LEPR: variants seen among roughly 807,000 people sequenced by gnomAD.
LEPR encodes the protein OB receptor.
A neutral mutation model predicts 114.7 loss-of-function variants in LEPR; 56 were observed. The observed-to-expected ratio is 0.49, with a 90% CI of 0.39 to 0.61. The LOEUF (loss-of-function observed/expected upper bound fraction) is 0.61, where lower values mean the gene tolerates loss of function less well. Among genes scored for constraint, LEPR ranks in the 20% least tolerant of loss-of-function variants. The pLI is 0.00. For synonymous variants in LEPR, 443 were observed against 461.4 expected (o/e 0.96, Z 0.51); for missense variants, 1,202 against 1,352.9 (o/e 0.89, Z 1.75).
intron 2 of LEPR, among the ~76,000 whole-genome samples, chr1:65,506,018 G>A (rs1351659871): frequency 6.6e-6 from 1 of 152,016 alleles, no homozygotes; most frequent in Non-Finnish European, 1.5e-5. Flanking sequence ...TTTTCCCTAA[G>A]GCCTTATTTG....
At chr1:65,556,213 G>T (rs1652805633) in intron 2 of LEPR, among the ~76,000 whole-genome samples, 1 of 152,144 alleles carries the variant, frequency 6.6e-6, no homozygotes, top group South Asian at 2.1e-4. Flanking sequence ...GATTGAATCT[G>T]CTGGCATGTT....
intron 2 of LEPR, among the ~76,000 whole-genome samples, chr1:65,447,445 T>C (rs1382091495): frequency 1.3e-5 from 2 of 152,094 alleles, no homozygotes; most frequent in Non-Finnish European, 2.9e-5. Context: ...GTTTTCCTCA[T>C]ATAGATCTTG....
chr1:65,516,009 T>C (rs1353420063), intron 2 of LEPR, among the ~76,000 whole-genome samples: 1 of 152,244 alleles, frequency 6.6e-6, no homozygotes, highest in African/African-American at 2.4e-5. Flanking sequence ...CTTTTATTGC[T>C]TATTAGCTAT....
At chr1:65,616,348 C>A in intron 15 of LEPR, 124 bp downstream of exon 15, 1 of 976,358 alleles carries the variant, frequency 1.0e-6, no homozygotes, top group Non-Finnish European at 1.5e-6. Context: ...CTCTCTTTCA[C>A]CTTTCATTTC....
chr1:65,432,727 T>C (rs1180225500), intron 2 of LEPR: 1 of 783,390 alleles, frequency 1.3e-6, no homozygotes, highest in African/African-American at 1.9e-5. Flanking sequence ...AAGTGTGATT[T>C]TTTTTTAAAG....
chr1:65,537,553 A>C (rs376779067), intron 2 of LEPR, among the ~76,000 whole-genome samples: 1 of 151,894 alleles, frequency 6.6e-6, no homozygotes, highest in African/African-American at 2.4e-5. Flanking sequence ...GCTCCTCCAC[A>C]TATATTAATT....
chr1:65,570,445 T>C, intron 3 of LEPR, 28 bp from the exon 4 acceptor site: 2 of 1,604,222 alleles, frequency 1.2e-6, no homozygotes, highest in Non-Finnish European at 1.7e-6. Flanking sequence ...ATTACTTTTT[T>C]CTATGTGTCT....
At chr1:65,448,562 T>C (rs1646741118) in intron 2 of LEPR, among the ~76,000 whole-genome samples, 1 of 152,250 alleles carries the variant, frequency 6.6e-6, no homozygotes, top group Non-Finnish European at 1.5e-5. Flanking sequence ...TTCCCTCTGC[T>C]TCTGTCTTCT....
intron 2 of LEPR, among the ~76,000 whole-genome samples, chr1:65,492,069 G>T (rs1240543752): frequency 6.6e-6 from 1 of 151,998 alleles, no homozygotes; most frequent in Non-Finnish European, 1.5e-5. Flanking sequence ...AATTTCTTGT[G>T]CTCCTTTCTG....
intron 2 of LEPR, among the ~76,000 whole-genome samples, chr1:65,544,767 C>A (rs114667687): frequency 1.3e-5 from 2 of 150,728 alleles, no homozygotes; most frequent in Admixed American, 6.6e-5. Flanking sequence ...AATTTTGATA[C>A]GTGGTACAAC....
At chr1:65,605,463 G>GCA (rs1367576146) in intron 11 of LEPR, among the ~76,000 whole-genome samples, 3 of 152,070 alleles carry the variant, frequency 2.0e-5, no homozygotes, top group Non-Finnish European at 2.9e-5. Context: ...AATATTTTCT[G>GCA]CACACTATTA....
intron 5 of LEPR, among the ~76,000 whole-genome samples, chr1:65,580,274 G>C (rs1654891196): frequency 1.3e-5 from 2 of 152,100 alleles, no homozygotes; most frequent in African/African-American, 2.4e-5. Flanking sequence ...GGAAGAGCTG[G>C]TCAATATAAC....
chr1:65,608,607 T>C lies in LEPR; in HGVS notation c.1604-146T>C, dbSNP rs964327521. On this transcript the variant is annotated intron_variant, in intron 11 of 19. Coordinates refer to ENST00000349533, the MANE Select transcript of LEPR (RefSeq NM_002303.6). ...TCTTTTAATATATCACATAAAGTAA[T>C]AGGGAAACAAATGAGATAATGAGTG... 1.0e-5 allele frequency: 10 copies of C among 952,996 alleles called. No individual in the cohort carries two copies. In the Admixed American group the frequency reaches 1.4e-4, roughly 13 times the overall value. The allele number at this position is 952,996 out of a possible 1,614,324, so 59.0% of individuals were successfully genotyped here.
chr1:65,570,733 T>C lies in LEPR; in HGVS notation c.301T>C (p.Leu101=). 1.2e-6 allele frequency: 2 copies of C among 1,604,872 alleles called. No homozygotes were observed. Among genetic ancestry groups the C allele is most frequent in the South Asian group, 1.1e-5 (1 of 89,938 alleles). ...FRSEQDRNCS[L]CADNIEGKTF... is the part of the protein sequence containing the mutation. ...GAGTGAGCAAGATAGAAACTGCTCC[T>C]TATGTGCAGACAACATTGAAGGAAA... Residue 101 remains leucine, a synonymous_variant, in exon 4 of 20, where the codon TTA becomes CTA. Coordinates refer to ENST00000349533, the MANE Select transcript of LEPR (RefSeq NM_002303.6).
chr1:65,504,922 T>A (rs11208655), intron 2 of LEPR, among the ~76,000 whole-genome samples: 101,777 of 151,944 alleles, frequency 0.67, 35,084 homozygotes, highest in Middle Eastern at 0.86. Context: ...AAGTTTATTT[T>A]AAAAAATCTC....
At chr1:65,427,677 T>C (rs535394893) in intron 2 of LEPR, 15 of 178,768 alleles carry the variant, frequency 8.4e-5, no homozygotes, top group African/African-American at 3.3e-4. Context: ...TCTAGGAGTT[T>C]TAATTCTCTG....
intron 16 of LEPR, among the ~76,000 whole-genome samples, chr1:65,618,498 A>T (rs4655739): frequency 0.21 from 31,717 of 147,968 alleles, 4,422 homozygotes; most frequent in East Asian, 0.77. Flanking sequence ...GCTAATTAAA[A>T]TTTTTTTTTT....
chr1:65,621,306 A>C (rs968479751), intron 17 of LEPR, 47 bp from the exon 18 acceptor site: 1 of 1,524,516 alleles, frequency 6.6e-7, no homozygotes, highest in Admixed American at 1.7e-5. Context: ...AAAGAAATTA[A>C]TATTTCCTCA....
At chr1:65,614,842 C>T (rs1329420695) in intron 14 of LEPR, among the ~76,000 whole-genome samples, 1 of 152,118 alleles carries the variant, frequency 6.6e-6, no homozygotes, top group Non-Finnish European at 1.5e-5. Flanking sequence ...TGTGCCCAGA[C>T]TTGTTTCTAA....
Sources: gnomAD v4.1 joint callset for allele counts (sites outside exome capture counted in the v4.1 genomes callset) on GRCh38, gnomAD v4.1.1 for gene constraint, MANE v1.5 for transcripts, NCBI Gene and HGNC (gene_info 2026-07-23, HGNC 2026-07-21) for gene names.